The following HNMT variants were observed in gnomAD, a reference collection of about 807,000 sequenced individuals.
HNMT encodes the protein histamine N-methyltransferase.
Under a neutral mutation model 32.1 loss-of-function variants are expected in HNMT, and 30 were observed. The ratio of observed to expected loss-of-function variants is 0.93; its 90% CI spans 0.70 to 1.27. HNMT has a LOEUF of 1.27. HNMT is among the 50% of genes most tolerant of loss of function. The pLI, the probability that HNMT is intolerant of heterozygous loss-of-function variation, is 0.00. For missense variants in HNMT, 327 were observed against 346.0 expected (o/e 0.95, Z 0.43); for synonymous variants, 125 against 119.0 (o/e 1.05, Z -0.33).
At chr2:137,991,976 T>G (rs1680831798) in intron 2 of HNMT, 1 of 152,076 alleles carries the variant, frequency 6.6e-6, no homozygotes, top group Non-Finnish European at 1.5e-5. Flanking sequence ...AGAAGAACAG[T>G]GTGGTGTGGC....
intron 2 of HNMT, among the ~76,000 whole-genome samples, chr2:137,995,451 C>G (rs1229468154): frequency 1.3e-5 from 2 of 152,094 alleles, no homozygotes; most frequent in East Asian, 1.9e-4. Flanking sequence ...ATACACCCTA[C>G]TAAGACTAGA....
intron 2 of HNMT, among the ~76,000 whole-genome samples, chr2:137,975,576 A>G (rs1437282099): frequency 6.6e-6 from 1 of 152,214 alleles, no homozygotes; most frequent in Non-Finnish European, 1.5e-5. Flanking sequence ...TAGCTATTTG[A>G]AAATCTAACC....
intron 2 of HNMT, among the ~76,000 whole-genome samples, chr2:138,000,050 G>A (rs1477114030): frequency 6.6e-6 from 1 of 152,128 alleles, no homozygotes; most frequent in Non-Finnish European, 1.5e-5. Context: ...AACCCTTACA[G>A]GCTGAATTTT....
At chr2:137,992,343 T>C (rs187780851) in intron 2 of HNMT, among the ~76,000 whole-genome samples, 4 of 152,136 alleles carry the variant, frequency 2.6e-5, no homozygotes, top group African/African-American at 9.7e-5. Context: ...GAGGCATCCA[T>C]CTCTATAGCC....
intron 2 of HNMT, among the ~76,000 whole-genome samples, chr2:137,989,389 C>G (rs948984286): frequency 2.0e-5 from 3 of 152,152 alleles, no homozygotes; most frequent in Non-Finnish European, 4.4e-5. Context: ...TCTTCCATGT[C>G]TTTTCATGGC....
chr2:137,971,186 C>CT (rs112341366), intron 2 of HNMT, among the ~76,000 whole-genome samples: 2,818 of 145,744 alleles, frequency 0.019, 66 homozygotes, highest in African/African-American at 0.063. Context: ...TCCTAAGCAC[C>CT]TTTTTTTTTT....
chr2:138,010,570 A>G (rs556356108), intron 5 of HNMT, among the ~76,000 whole-genome samples: 1 of 152,146 alleles, frequency 6.6e-6, no homozygotes, highest in Admixed American at 6.6e-5. Context: ...AGAAATTGAA[A>G]TCAGAATTAA....
At chr2:138,002,401 A>C (rs1419561970) in intron 4 of HNMT, 1 of 981,606 alleles carries the variant, frequency 1.0e-6, no homozygotes, top group Non-Finnish European at 1.3e-6. Flanking sequence ...AGTTTTCTCT[A>C]ATCAAAATAC....
At position 138,015,237 on chromosome 2, in the gene HNMT, C is replaced by T. The variant is rs1412830433; in HGVS notation, c.*1107C>T. 2.0e-5 allele frequency: 3 copies of T among 151,994 alleles called. No individual in the cohort carries two copies. In the East Asian group the frequency reaches 5.8e-4, roughly 29 times the overall value. The allele number at this position is 151,994 out of a possible 1,614,324, so 9.4% of individuals were successfully genotyped here. ...TCTGTTATTTTTGACATAAACAGTA[C>T]ATTTAATAATTAATAAATAAATATT... is the stretch of plus-strand genomic sequence containing the variant. On this transcript the variant is annotated 3_prime_UTR_variant, in exon 6 of 6. Coordinates refer to ENST00000280097, the MANE Select transcript of HNMT (RefSeq NM_006895.3).
rs559926686 is a variant in HNMT, at chr2:137,993,084, C to T, written c.191-7834C>T. On this transcript the variant is annotated intron_variant, in intron 2 of 5. Coordinates refer to ENST00000280097, the MANE Select transcript of HNMT (RefSeq NM_006895.3). Reference sequence around the variant, plus strand: ...CAAAGACCAAAACTAGACAAACTCACGAAGTCAAGAAAGAATCAATGAAAC... The same window carrying T: ...CAAAGACCAAAACTAGACAAACTCATGAAGTCAAGAAAGAATCAATGAAAC... Among the ~76,000 whole-genome samples the T allele has an allele frequency of 4.6e-5, 7 of 152,228 alleles. No homozygotes were observed. The East Asian group carries it at 9.7e-4, about 21-fold the overall frequency.
intron 2 of HNMT, among the ~76,000 whole-genome samples, chr2:137,978,470 CAT>C: frequency 1.4e-5 from 2 of 138,378 alleles, no homozygotes; most frequent in South Asian, 4.5e-4. Flanking sequence ...TTATACAATA[CAT>C]ATGATTAGAT....
intron 2 of HNMT, among the ~76,000 whole-genome samples, chr2:137,985,967 T>C (rs969218065): frequency 1.3e-5 from 2 of 151,904 alleles, no homozygotes; most frequent in African/African-American, 4.8e-5. Flanking sequence ...AGACTCCATC[T>C]CAAAAAATAA....
chr2:137,998,752 G>C (rs1374164374), intron 2 of HNMT, among the ~76,000 whole-genome samples: 1 of 152,168 alleles, frequency 6.6e-6, no homozygotes, highest in African/African-American at 2.4e-5. Flanking sequence ...AAATGTCAAG[G>C]TCCATCTTTG....
At position 138,000,983 on chromosome 2, in the gene HNMT, G is replaced by A. The variant is rs1198698697; in HGVS notation, c.256G>A (p.Glu86Lys). The A allele has an allele frequency of 6.2e-7, 1 of 1,608,882 alleles. No homozygotes were observed. The highest frequency in any genetic ancestry group is 8.5e-7 in the Non-Finnish European group (1 of 1,177,472). The change falls in exon 3 of 6, where the codon GAA (glutamate) becomes AAA (lysine). Residue 86 changes from glutamate to lysine, a missense_variant. By Grantham distance (56) the Glu-to-Lys change is moderately conservative (BLOSUM62 1). Coordinates refer to ENST00000280097, the MANE Select transcript of HNMT (RefSeq NM_006895.3). The stretch of plus-strand genomic sequence containing the variant: ...ATACCCAGGAGTTTGTATCAACAAT[G>A]AAGTTGTTGAGCCAAGTGCTGAACA... ...AQYPGVCINN[E>K]VVEPSAEQIA... is the part of the protein sequence containing the mutation.
At chr2:137,972,623 TC>T (rs919540752) in intron 2 of HNMT, among the ~76,000 whole-genome samples, 1 of 152,116 alleles carries the variant, frequency 6.6e-6, no homozygotes, top group Non-Finnish European at 1.5e-5. Context: ...ATACTTTAAG[TC>T]CCCAAAATTA....
Position 137,964,520 on chromosome 2 carries a change from C to T in HNMT, c.29C>T (p.Ser10Phe). ...GCATCTTCCATGAGGAGCTTGTTTT[C>T]TGACCACGGGAAATATGTTGAATCT... MASSMRSLF[S>F]DHGKYVESFR... The change falls in exon 1 of 6, where the codon TCT becomes TTT. Residue 10 changes from serine (S) to phenylalanine (F), a missense_variant. Ser to Phe is a radical substitution (Grantham distance 155, BLOSUM62 -2). Coordinates refer to ENST00000280097, the MANE Select transcript of HNMT (RefSeq NM_006895.3). 1.2e-6 allele frequency: 2 copies of T among 1,613,756 alleles called. No individual in the cohort carries two copies. Among genetic ancestry groups the T allele is most frequent in the Non-Finnish European group, 1.7e-6 (2 of 1,179,760 alleles).
At chr2:137,990,242 A>C (rs892930315) in intron 2 of HNMT, among the ~76,000 whole-genome samples, 2 of 152,142 alleles carry the variant, frequency 1.3e-5, no homozygotes, top group African/African-American at 4.8e-5. Flanking sequence ...TCTATGATTC[A>C]TTTTGAGTTA....
chr2:137,986,103 ATTG>A (rs1680644170), intron 2 of HNMT, among the ~76,000 whole-genome samples: 1 of 152,042 alleles, frequency 6.6e-6, no homozygotes, highest in African/African-American at 2.4e-5. Flanking sequence ...TAAAGGCCAA[ATTG>A]TTGTTAATTT....
chr2:138,009,949 T>C lies in HNMT; in HGVS notation c.524-3826T>C, dbSNP rs368894246. ...CAACAGATTGAAACATTTCCTAAAG[T>C]TGAATATTGACCCAGAACTTGGAAT... On this transcript the variant is annotated intron_variant, in intron 5 of 5. Transcript: ENST00000280097. Among the ~76,000 whole-genome samples, 18 of 152,226 alleles carry C rather than the reference T, an allele frequency of 1.2e-4. No homozygotes were observed. In the East Asian group the frequency reaches 2.9e-3, roughly 25 times the overall value.
Sources: allele counts gnomAD v4.1 joint callset (sites outside exome capture counted in the v4.1 genomes callset), GRCh38; gene constraint gnomAD v4.1.1; transcripts MANE v1.5; gene names NCBI Gene and HGNC (gene_info 2026-07-23, HGNC 2026-07-21).